The following ARID1B variants were observed in gnomAD, a reference collection of about 807,000 sequenced individuals.
ARID1B encodes AT-rich interactive domain-containing protein 1B.
ARID1B carries 30 observed loss-of-function variants against 212.3 expected under a neutral mutation model. The ratio of observed to expected loss-of-function variants is 0.14; its 90% CI spans 0.11 to 0.19. The LOEUF is 0.19. Ranked by LOEUF, ARID1B falls within the 10% of genes least tolerant of loss-of-function variation. The pLI is 1.00. For missense variants in ARID1B, 2,891 were observed against 3,204.0 expected (o/e 0.90, Z 2.36); for synonymous variants, 1,402 against 1,301.7 (o/e 1.08, Z -1.66).
intron 4 of ARID1B, among the ~76,000 whole-genome samples, chr6:157,016,472 A>C (rs535340458): frequency 6.6e-6 from 1 of 152,242 alleles, no homozygotes; most frequent in South Asian, 2.1e-4. Flanking sequence ...TCCTTGAATA[A>C]TATTGTTTTG....
intron 7 of ARID1B, among the ~76,000 whole-genome samples, chr6:157,144,480 T>G (rs1206350195): frequency 1.3e-5 from 2 of 152,350 alleles, no homozygotes; most frequent in Admixed American, 6.5e-5. Flanking sequence ...ATGAATTAAT[T>G]ACTTGTGCAT....
At position 156,893,045 on chromosome 6, in the gene ARID1B, C is replaced by CTTTTTTGTTTTTTT. The variant is rs1554263983; in HGVS notation, c.1987-8325_1987-8324insGTTTTTTTTTTTTT. Among the ~76,000 whole-genome samples, 79 of 85,898 alleles carry CTTTTTTGTTTTTTT rather than the reference C, an allele frequency of 9.2e-4. 1 individual carries two copies. The highest frequency in any genetic ancestry group is 1.4e-3 in the Non-Finnish European group (57 of 40,344). 56.4% of individuals were successfully genotyped at this position (85,898 alleles called of 152,430 possible). ...AACTCTTTTTTTTTCTTTTTTCTTC[C>CTTTTTTGTTTTTTT]TTTTTTTTTTTTTTTGAGATGGAGT... is the stretch of plus-strand genomic sequence containing the variant. On this transcript the variant is annotated intron_variant, in intron 2 of 19. Coordinates refer to ENST00000636930, the MANE Select transcript of ARID1B (RefSeq NM_001374828.1).
intron 11 of ARID1B, among the ~76,000 whole-genome samples, chr6:157,179,283 A>G (rs946369617): frequency 6.6e-6 from 1 of 152,172 alleles, no homozygotes; most frequent in South Asian, 2.1e-4. Context: ...GTTTTTAATA[A>G]CTGTCCCATT....
chr6:157,136,628 G>A, intron 7 of ARID1B, among the ~76,000 whole-genome samples: 1 of 152,190 alleles, frequency 6.6e-6, no homozygotes, highest in Non-Finnish European at 1.5e-5. Flanking sequence ...TTGGGAGTCC[G>A]AGACGGGTGG....
At chr6:157,132,499 A>G (rs1788617656) in intron 6 of ARID1B, among the ~76,000 whole-genome samples, 1 of 152,188 alleles carries the variant, frequency 6.6e-6, no homozygotes, top group Admixed American at 6.5e-5. Flanking sequence ...TTAGGAGCCA[A>G]GTTTAATGGT....
chr6:156,969,804 C>G (rs1776792888), intron 4 of ARID1B, among the ~76,000 whole-genome samples: 1 of 151,754 alleles, frequency 6.6e-6, no homozygotes, highest in African/African-American at 2.4e-5. Flanking sequence ...TCCCAATTTT[C>G]TAAAGAGAAG....
intron 5 of ARID1B, among the ~76,000 whole-genome samples, chr6:157,096,083 T>C (rs935049073): frequency 6.6e-6 from 1 of 152,188 alleles, no homozygotes; most frequent in Non-Finnish European, 1.5e-5. Flanking sequence ...CATCCCACTC[T>C]TCATGCAGCC....
intron 4 of ARID1B, among the ~76,000 whole-genome samples, chr6:157,062,205 T>G (rs1337792878): frequency 1.4e-5 from 2 of 143,280 alleles, no homozygotes; most frequent in Admixed American, 7.0e-5. Context: ...TGTTTTGTTG[T>G]TTTTTTTTTT....
chr6:157,196,571 C>T (rs951746772), intron 16 of ARID1B, among the ~76,000 whole-genome samples: 8 of 152,138 alleles, frequency 5.3e-5, no homozygotes, highest in East Asian at 3.9e-4. Flanking sequence ...GAGCCAGGGC[C>T]GCCACAAGTC....
At chr6:156,972,119 G>A (rs114843328) in intron 4 of ARID1B, among the ~76,000 whole-genome samples, 3,925 of 152,246 alleles carry the variant, frequency 0.026, 60 homozygotes, top group African/African-American at 0.034. Flanking sequence ...ATACATAAAG[G>A]TTAAAATAGT....
chr6:156,896,911 A>G (rs928454017), intron 2 of ARID1B, among the ~76,000 whole-genome samples: 1 of 152,176 alleles, frequency 6.6e-6, no homozygotes. Context: ...TTAGAAGGAA[A>G]AAGGGGGAGA....
intron 4 of ARID1B, among the ~76,000 whole-genome samples, chr6:157,073,357 G>C (rs1283856216): frequency 6.6e-6 from 1 of 152,048 alleles, no homozygotes; most frequent in Non-Finnish European, 1.5e-5. Context: ...GCCTGCCTCA[G>C]CCTCCCAAAG....
intron 7 of ARID1B, chr6:157,140,987 G>C (rs906439021): frequency 7.7e-6 from 2 of 258,532 alleles, no homozygotes; most frequent in African/African-American, 4.4e-5. Flanking sequence ...TGAATCCCCA[G>C]CATTTAGCAC....
Position 156,777,695 on chromosome 6 carries a change from A to AGCGGCG in ARID1B, c.17_18insGGCGGC (p.Ala13_Ala14dup), listed in dbSNP as rs1554246888. 1 of 144,424 alleles carries AGCGGCG rather than the reference A, an allele frequency of 6.9e-6. No individual in the cohort carries two copies. The highest frequency in any genetic ancestry group is 1.5e-5 in the Non-Finnish European group (1 of 66,348). The allele number at this position is 144,424 out of a possible 1,614,324, so 8.9% of individuals were successfully genotyped here. ...CCGCGGCGATCATGGCCGCGCGGGC[A>AGCGGCG]GCAGCGGCGGCGGCGGCGGCGGCGG... On this transcript the variant is annotated inframe_insertion, in exon 1 of 20. Transcript: ENST00000636930.
chr6:157,020,145 T>C (rs985572800), intron 4 of ARID1B, among the ~76,000 whole-genome samples: 1 of 152,124 alleles, frequency 6.6e-6, no homozygotes, highest in African/African-American at 2.4e-5. Context: ...ACAAGCAAAT[T>C]TGCCGTTCAG....
chr6:157,029,868 C>G (rs112172573), intron 4 of ARID1B, among the ~76,000 whole-genome samples: 22 of 152,190 alleles, frequency 1.4e-4, no homozygotes, highest in African/African-American at 5.1e-4. Context: ...TGGAAGACTT[C>G]GAAGGTTTTA....
chr6:157,016,881 C>T (rs1779949441), intron 4 of ARID1B, among the ~76,000 whole-genome samples: 1 of 152,038 alleles, frequency 6.6e-6, no homozygotes, highest in Non-Finnish European at 1.5e-5. Context: ...ACTTGGTTTC[C>T]TGGTAGGGCA....
chr6:156,818,479 C>T (rs904897460), intron 1 of ARID1B, among the ~76,000 whole-genome samples: 5 of 152,112 alleles, frequency 3.3e-5, no homozygotes, highest in African/African-American at 9.7e-5. Flanking sequence ...TCTGTCTTTA[C>T]GTAGTGCTCT....
chr6:157,050,525 C>T lies in ARID1B; in HGVS notation c.2248-34137C>T, dbSNP rs558706509. On this transcript the variant is annotated intron_variant, in intron 4 of 19. Coordinates refer to ENST00000636930, the MANE Select transcript of ARID1B (RefSeq NM_001374828.1). ...CACCACTGCACTCCAGCCTGGGCGA[C>T]AGAGCGAGAATCTTATCTCAAAAAT... Among the ~76,000 whole-genome samples the T allele has an allele frequency of 7.9e-5, 12 of 152,188 alleles. No homozygotes were observed. In the South Asian group the frequency reaches 2.5e-3, roughly 32 times the overall value.
Sources: allele counts gnomAD v4.1 joint callset (sites outside exome capture counted in the v4.1 genomes callset), GRCh38; gene constraint gnomAD v4.1.1; transcripts MANE v1.5; gene names NCBI Gene and HGNC (gene_info 2026-07-23, HGNC 2026-07-21).